Variants in ABCB5 observed in about 807,000 individuals in gnomAD.
ABCB5 encodes ATP binding cassette subfamily B member 5, also known as ATP-binding cassette sub-family B member 5.
In ABCB5, 155 loss-of-function variants were observed where a neutral mutation model predicts 144.2. That is an observed-to-expected ratio of 1.08 (90% CI 0.94 to 1.23). ABCB5 has a LOEUF of 1.23. Ranked by LOEUF, ABCB5 falls within the 50% of genes most tolerant of loss-of-function variation. The probability of loss-of-function intolerance (pLI) is 0.00; values close to 1 mark genes in which losing one functional copy is unlikely to be tolerated. For missense variants in ABCB5, 1,830 were observed against 1,520.8 expected (o/e 1.20, Z -3.38); for synonymous variants, 610 against 528.6 (o/e 1.15, Z -2.11).
At chr7:20,714,527 T>G in intron 20 of ABCB5, among the ~76,000 whole-genome samples, 1 of 152,172 alleles carries the variant, frequency 6.6e-6, no homozygotes. Context: ...AGTCTCTTAT[T>G]TTCTGTTTAT....
rs1169996387 is a variant in ABCB5 at position 20,681,006 on chromosome 7, CTTTCTTTCTTTCTTTCTTTCTTTCTT to C, written c.1708-497_1708-472del. 7.7e-3 allele frequency among the ~76,000 whole-genome samples: 63 copies of C among 8,186 alleles called. 2 individuals carry two copies. The highest frequency in any genetic ancestry group is 0.019 in the African/African-American group (55 of 2,908). 5.4% of individuals were successfully genotyped at this position (8,186 alleles called of 152,430 possible). A position where few individuals can be genotyped will look rare whatever the true frequency, so the allele number is the denominator to read the frequency against. ...TCTTTCTTTCTTTCTTTCTTTCTTTCTTTCTTTCTTTCTTTCTTTCTTTCTTTCTCTTTCTTTCTTTCTCTCTCTCT... is the reference window on the plus strand; with the variant it reads ...TCTTTCTTTCTTTCTTTCTTTCTTTCTCTCTTTCTTTCTTTCTCTCTCTCT... On this transcript the variant is annotated intron_variant, in intron 14 of 27. Transcript: ENST00000404938.
chr7:20,627,080 A>G (rs1466699998), intron 3 of ABCB5, among the ~76,000 whole-genome samples: 1 of 152,206 alleles, frequency 6.6e-6, no homozygotes, highest in Non-Finnish European at 1.5e-5. Flanking sequence ...AAGCCTATGT[A>G]TCAGATAATG....
At chr7:20,731,349 A>C (rs1782207403) in intron 23 of ABCB5, among the ~76,000 whole-genome samples, 2 of 78,004 alleles carry the variant, frequency 2.6e-5, no homozygotes, top group East Asian at 4.7e-4. Flanking sequence ...CAAGACTCCA[A>C]CTCAGGAAAA....
chr7:20,687,369 C>A (rs1786037367), intron 16 of ABCB5, among the ~76,000 whole-genome samples: 1 of 152,210 alleles, frequency 6.6e-6, no homozygotes, highest in East Asian at 1.9e-4. Flanking sequence ...GATACAACTA[C>A]GTGCTCCACA....
chr7:20,731,385 T>C lies in ABCB5; in HGVS notation c.2867+2930T>C, dbSNP rs193014723. ...AAAAAAAAAAATATATATATATATA[T>C]ACATATAAAATTTACTGGATCCTGT... On this transcript the variant is annotated intron_variant, in intron 23 of 27. Transcript: ENST00000404938. Among the ~76,000 whole-genome samples, 20 of 147,196 alleles carry C rather than the reference T, an allele frequency of 1.4e-4. No homozygotes were observed. The East Asian group carries it at 3.0e-3, about 22-fold the overall frequency.
intron 13 of ABCB5, among the ~76,000 whole-genome samples, chr7:20,656,662 G>C (rs556064393): frequency 6.7e-6 from 1 of 150,272 alleles, no homozygotes; most frequent in South Asian, 2.1e-4. Context: ...TCAAATAAAA[G>C]TGAAATCAGT....
intron 14 of ABCB5, among the ~76,000 whole-genome samples, chr7:20,676,855 C>T (rs1332605956): frequency 1.3e-5 from 2 of 152,088 alleles, no homozygotes; most frequent in African/African-American, 4.8e-5. Flanking sequence ...GGTTAAAAAA[C>T]TTGTCTAAGT....
Position 20,647,958 on chromosome 7 carries a change from T to C in ABCB5, c.1096-10T>C, listed in dbSNP as rs548174323. 8 of 1,519,654 alleles carry C rather than the reference T, an allele frequency of 5.3e-6. No homozygotes were observed. In the South Asian group the frequency reaches 9.0e-5, roughly 17 times the overall value. The allele number at this position is 1,519,654 out of a possible 1,614,324, so 94.1% of individuals were successfully genotyped here. A position where few individuals can be genotyped will look rare whatever the true frequency, so the allele number is the denominator to read the frequency against. On this transcript the variant is annotated splice_polypyrimidine_tract_variant and intron_variant, in intron 10 of 27. Transcript: ENST00000404938. ...TTGAAGATTTATAACATTTCCTTTG[T>C]TTTTCCAAGAAACCCAGTATAGATA...
At chr7:20,628,633 T>C in intron 3 of ABCB5, 55 bp from the exon 4 acceptor site, 6 of 1,515,842 alleles carry the variant, frequency 4.0e-6, no homozygotes, top group African/African-American at 1.4e-5. Context: ...GTGTGTGTGC[T>C]TGGTGTGTTT....
chr7:20,622,630 T>A (rs1233970010), intron 1 of ABCB5, among the ~76,000 whole-genome samples: 1 of 152,122 alleles, frequency 6.6e-6, no homozygotes, highest in Admixed American at 6.6e-5. Flanking sequence ...TATAGATCCA[T>A]AATAAAATGA....
chr7:20,631,938 G>C (rs559632253), intron 4 of ABCB5, 121 bp from the exon 5 acceptor site: 1 of 450,296 alleles, frequency 2.2e-6, no homozygotes, highest in African/African-American at 2.0e-5. Context: ...AATAAACTGC[G>C]TGTGGGCAGT....
chr7:20,628,650 T>C (rs778460391), intron 3 of ABCB5, 38 bp from the exon 4 acceptor site: 1 of 1,594,336 alleles, frequency 6.3e-7, no homozygotes, highest in Non-Finnish European at 8.6e-7. Context: ...GTTTGTTTGT[T>C]TTACAGTTGT....
intron 14 of ABCB5, among the ~76,000 whole-genome samples, chr7:20,676,605 G>A (rs1258321454): frequency 6.6e-6 from 1 of 152,122 alleles, no homozygotes; most frequent in Non-Finnish European, 1.5e-5. Flanking sequence ...GAGAGAAACA[G>A]GGAATTGCTG....
At chr7:20,651,181 G>C (rs1784570576) in intron 12 of ABCB5, among the ~76,000 whole-genome samples, 1 of 152,168 alleles carries the variant, frequency 6.6e-6, no homozygotes, top group Non-Finnish European at 1.5e-5. Context: ...TTAGAATAAA[G>C]ATAATCAGAT....
intron 21 of ABCB5, among the ~76,000 whole-genome samples, chr7:20,723,953 A>G (rs975195813): frequency 6.6e-6 from 1 of 152,168 alleles, no homozygotes; most frequent in Non-Finnish European, 1.5e-5. Context: ...AATAATTATT[A>G]TATTAGAGAC....
chr7:20,643,821 A>G (rs1037559052), intron 7 of ABCB5, among the ~76,000 whole-genome samples, 189 bp downstream of exon 7: 3 of 152,230 alleles, frequency 2.0e-5, no homozygotes, highest in African/African-American at 7.2e-5. Context: ...TTATTTGGCT[A>G]AGATGAAATG....
At chr7:20,698,265 AT>A in intron 16 of ABCB5, 141 bp from the exon 17 acceptor site, 1 of 683,762 alleles carries the variant, frequency 1.5e-6, no homozygotes, top group Non-Finnish European at 2.1e-6. Flanking sequence ...CGGGCAGTGA[AT>A]TTTTTAAGAA....
chr7:20,677,920 G>C (rs1001834716), intron 14 of ABCB5, among the ~76,000 whole-genome samples: 9 of 152,126 alleles, frequency 5.9e-5, no homozygotes, highest in Admixed American at 5.9e-4. Context: ...AGCACAAAAT[G>C]AAAATGTAGA....
intron 9 of ABCB5, among the ~76,000 whole-genome samples, chr7:20,646,353 G>A (rs1784410461): frequency 6.6e-6 from 1 of 152,200 alleles, no homozygotes; most frequent in Admixed American, 6.5e-5. Flanking sequence ...GCTGTGTCAA[G>A]CATCTGCATT....
Sources: allele counts gnomAD v4.1 joint callset (sites outside exome capture counted in the v4.1 genomes callset), GRCh38; gene constraint gnomAD v4.1.1; transcripts MANE v1.5; gene names NCBI Gene and HGNC (gene_info 2026-07-23, HGNC 2026-07-21).